The following RMDN3 variants were observed in gnomAD, a reference collection of about 807,000 sequenced individuals.
RMDN3 encodes the protein regulator of microtubule dynamics 3.
Under a neutral mutation model 61.8 loss-of-function variants are expected in RMDN3, and 41 were observed. The observed-to-expected ratio is 0.66, with a 90% CI of 0.52 to 0.86. The LOEUF (loss-of-function observed/expected upper bound fraction) is 0.86. RMDN3 is among the 40% of genes least tolerant of loss of function. RMDN3 has a pLI of 0.00. For missense variants in RMDN3, 557 were observed against 585.3 expected, an observed-to-expected ratio of 0.95 and a Z score of 0.50; for synonymous variants, 247 against 232.0, an observed-to-expected ratio of 1.06 and a Z score of -0.59.
chr15:40,754,983 C>T, intron 1 of RMDN3, 100 bp downstream of exon 1: 2 of 557,958 alleles, frequency 3.6e-6, no homozygotes, highest in South Asian at 4.4e-5. Flanking sequence ...CCTCCTGGGC[C>T]CCACTGCCTC....
intron 6 of RMDN3, among the ~76,000 whole-genome samples, chr15:40,741,292 G>A (rs994323997): frequency 2.0e-5 from 3 of 151,904 alleles, no homozygotes; most frequent in Admixed American, 6.6e-5. Flanking sequence ...GATAGCTTGG[G>A]ACCAAGAGTT....
At chr15:40,749,690 C>T (rs1454938382) in intron 4 of RMDN3, among the ~76,000 whole-genome samples, 1 of 152,188 alleles carries the variant, frequency 6.6e-6, no homozygotes, top group Non-Finnish European at 1.5e-5. Flanking sequence ...ATCTCAGTGC[C>T]CACTATCAAC....
chr15:40,738,108 C>G lies in RMDN3; in HGVS notation c.1048-66G>C. The G allele has an allele frequency of 4.6e-6, 7 of 1,517,194 alleles. No homozygotes were observed. In the Admixed American group the frequency reaches 1.0e-4, roughly 22 times the overall value. 94.0% of individuals were successfully genotyped at this position (1,517,194 alleles called of 1,614,324 possible). Reference sequence around the variant, plus strand: ...GAGTTGCTAAAAGAGAGGCAAGGGCCGGATGCAGTGGCTCATGCCTGTAAT... The same window carrying G: ...GAGTTGCTAAAAGAGAGGCAAGGGCGGGATGCAGTGGCTCATGCCTGTAAT... On this transcript the variant is annotated intron_variant, in intron 8 of 12. Transcript: ENST00000338376.
At chr15:40,740,911 C>T (rs1335384714) in intron 6 of RMDN3, among the ~76,000 whole-genome samples, 1 of 151,958 alleles carries the variant, frequency 6.6e-6, no homozygotes, top group African/African-American at 2.4e-5. Context: ...CATGGTGAAA[C>T]CCTGCCTCTA....
chr15:40,740,400 C>T (rs1897234285), intron 6 of RMDN3, among the ~76,000 whole-genome samples: 1 of 152,250 alleles, frequency 6.6e-6, no homozygotes, highest in South Asian at 2.1e-4. Flanking sequence ...AATCCCAGCA[C>T]TTTGGGAGGC....
rs758632389 is a variant in RMDN3 at position 40,751,513 on chromosome 15, C to G, written c.437G>C (p.Arg146Pro). ...VARRRRFPFVRERSDSTGSSS... is the reference protein window; with the variant it reads ...VARRRRFPFVPERSDSTGSSS... ...GGAGCCAGTGGAGTCACTCCTCTCCCGGACAAACGGAAACCTTCGCCGCCG... is the reference window on the plus strand; with the variant it reads ...GGAGCCAGTGGAGTCACTCCTCTCCGGGACAAACGGAAACCTTCGCCGCCG... Residue 146 changes from arginine (R) to proline (P), a missense_variant, in exon 4 of 13, where the codon CGG (arginine) becomes CCG (proline). Arg to Pro is a moderately radical substitution (Grantham distance 103). Transcript: ENST00000338376. 2.3e-5 allele frequency: 37 copies of G among 1,614,008 alleles called. No individual in the cohort carries two copies. Among genetic ancestry groups the G allele is most frequent in the East Asian group, 4.5e-5 (2 of 44,892 alleles).
intron 4 of RMDN3, among the ~76,000 whole-genome samples, chr15:40,747,076 T>C (rs949726754): frequency 2.6e-5 from 4 of 152,078 alleles, no homozygotes; most frequent in Non-Finnish European, 5.9e-5. Flanking sequence ...AATGGGTAGA[T>C]GGTTTATCTG....
At chr15:40,738,928 A>G (rs1897173200) in intron 7 of RMDN3, 1 of 250,240 alleles carries the variant, frequency 4.0e-6, no homozygotes, top group Admixed American at 5.0e-5. Flanking sequence ...CAATCAGCAT[A>G]AAAGTATGAG....
intron 6 of RMDN3, among the ~76,000 whole-genome samples, chr15:40,741,415 G>C (rs977945038): frequency 3.9e-5 from 6 of 152,006 alleles, no homozygotes; most frequent in Non-Finnish European, 7.4e-5. Flanking sequence ...TCTTTCACAA[G>C]AGCCACATGG....
In RMDN3 at chr15:40,754,657, G is replaced by T; in HGVS notation, c.127C>A (p.Arg43Ser). 4 of 1,614,112 alleles carry T rather than the reference G, an allele frequency of 2.5e-6. No homozygotes were observed. The highest frequency in any genetic ancestry group is 3.4e-6 in the Non-Finnish European group (4 of 1,180,010). ...QRWKRTQRHG[R>S]SQSLPNSLDY... ...AGGGAGTTGGGCAGGCTCTGGCTGCGGCCATGACGCTGGGTCCGTTTCCAT... is the reference window on the plus strand; with the variant it reads ...AGGGAGTTGGGCAGGCTCTGGCTGCTGCCATGACGCTGGGTCCGTTTCCAT... The change falls in exon 2 of 13, where the codon CGC becomes AGC. Residue 43 changes from arginine (R) to serine (S), a missense_variant. Arg to Ser is a moderately radical substitution (Grantham distance 110, BLOSUM62 -1). Transcript: ENST00000338376.
At chr15:40,737,769 GT>G (rs760445620) in intron 9 of RMDN3, 43 bp from the exon 10 acceptor site, 14 of 1,583,956 alleles carry the variant, frequency 8.8e-6, no homozygotes, top group South Asian at 4.5e-5. Flanking sequence ...GTTTTAAAAG[GT>G]TTTTTTTCTT....
intron 4 of RMDN3, among the ~76,000 whole-genome samples, chr15:40,746,294 T>G (rs1897549442): frequency 6.6e-6 from 1 of 152,028 alleles, no homozygotes; most frequent in Admixed American, 6.6e-5. Flanking sequence ...GGCGGGCGGA[T>G]CAGGAGGTCA....
At position 40,740,195 on chromosome 15, in the gene RMDN3, T is replaced by G. The variant is rs1330818026; in HGVS notation, c.911-2A>C. ...GAGCAGCCTCTGCTTCTTCTTTTCC[T>G]GTAGGACGAAGGTAGATCCAGAGTT... On this transcript the variant is annotated splice_acceptor_variant, in intron 6 of 12. Transcript: ENST00000338376. LOFTEE classifies it high-confidence loss of function. 1.9e-6 allele frequency: 3 copies of G among 1,607,742 alleles called. No individual in the cohort carries two copies. Among genetic ancestry groups the G allele is most frequent in the Non-Finnish European group, 1.7e-6 (2 of 1,175,132 alleles).
chr15:40,738,139 C>T (rs1458893795), intron 8 of RMDN3, 97 bp from the exon 9 acceptor site: 2 of 1,298,982 alleles, frequency 1.5e-6, no homozygotes, highest in Admixed American at 1.7e-5. Flanking sequence ...GTAATCCCTG[C>T]ACTTTGGGAA....
intron 5 of RMDN3, among the ~76,000 whole-genome samples, chr15:40,744,637 A>AG (rs1433033471): frequency 2.0e-5 from 3 of 151,874 alleles, no homozygotes; most frequent in Non-Finnish European, 2.9e-5. Flanking sequence ...GGAAATGAGG[A>AG]GAAAAAAAAA....
intron 4 of RMDN3, among the ~76,000 whole-genome samples, chr15:40,748,251 G>A (rs891827938): frequency 4.6e-5 from 7 of 152,124 alleles, no homozygotes; most frequent in African/African-American, 1.7e-4. Flanking sequence ...AGACACACAT[G>A]TTCAAAGCCA....
intron 6 of RMDN3, among the ~76,000 whole-genome samples, chr15:40,741,547 C>T (rs907373534): frequency 7.3e-5 from 11 of 150,202 alleles, no homozygotes; most frequent in Non-Finnish European, 7.4e-5. Flanking sequence ...TTAAGAGTAT[C>T]GAGGCTGGAG....
chr15:40,752,149 C>T lies in RMDN3; in HGVS notation c.217G>A (p.Ala73Thr). Residue 73 changes from alanine to threonine, a missense_variant, in exon 3 of 13, where the codon GCT becomes ACT. By Grantham distance (58) the Ala-to-Thr change is moderately conservative. Transcript: ENST00000338376. ...VMLLRAVPGG[A>T]GDASVLPSLP... ...CTGGGCAGCACTGAGGCATCTCCAG[C>T]CCCACCTGGGACAGCCCGCAGGAGC... is the stretch of plus-strand genomic sequence containing the variant. 1 of 1,614,108 alleles carries T rather than the reference C, an allele frequency of 6.2e-7. No individual in the cohort carries two copies. Among genetic ancestry groups the T allele is most frequent in the Non-Finnish European group, 8.5e-7 (1 of 1,179,994 alleles).
At chr15:40,750,463 G>A (rs1021975919) in intron 4 of RMDN3, among the ~76,000 whole-genome samples, 16 of 151,728 alleles carry the variant, frequency 1.1e-4, no homozygotes, top group South Asian at 4.2e-4. Context: ...CAGGTGATCC[G>A]CCCACCTTGG....
Sources: allele counts gnomAD v4.1 joint callset (sites outside exome capture counted in the v4.1 genomes callset), GRCh38; gene constraint gnomAD v4.1.1; transcripts MANE v1.5; gene names NCBI Gene and HGNC (gene_info 2026-07-23, HGNC 2026-07-21).